CNTN1: variants seen among roughly 807,000 people sequenced by gnomAD.
The protein encoded by CNTN1 is contactin 1.
In CNTN1, 38 loss-of-function variants were observed where a neutral mutation model predicts 126.4. The ratio of observed to expected loss-of-function variants is 0.30; its 90% CI spans 0.23 to 0.39. The LOEUF (loss-of-function observed/expected upper bound fraction) is 0.39, where lower values mean the gene tolerates loss of function less well. Ranked by LOEUF, CNTN1 falls within the 10% of genes least tolerant of loss-of-function variation. The pLI is 1.00. For synonymous variants in CNTN1, 413 were observed against 422.6 expected (o/e 0.98, Z 0.28); for missense variants, 1,009 against 1,248.4 (o/e 0.81, Z 2.89).
intron 1 of CNTN1, among the ~76,000 whole-genome samples, chr12:40,805,611 C>A (rs1940822576): frequency 6.6e-6 from 1 of 152,062 alleles, no homozygotes; most frequent in South Asian, 2.1e-4. Flanking sequence ...ATTTTAATCG[C>A]TGATATTTTA....
intron 16 of CNTN1, among the ~76,000 whole-genome samples, chr12:40,988,202 T>C (rs1329384972): frequency 2.6e-5 from 4 of 152,180 alleles, no homozygotes; most frequent in African/African-American, 4.8e-5. Flanking sequence ...TTAGAACCAG[T>C]GAGAAGCCTT....
intron 21 of CNTN1, among the ~76,000 whole-genome samples, chr12:41,027,417 G>A (rs1949058148): frequency 6.6e-6 from 1 of 152,142 alleles, no homozygotes; most frequent in Non-Finnish European, 1.5e-5. Flanking sequence ...AGCCCATGAG[G>A]TAGAAGGAAA....
At chr12:40,818,475 T>C (rs1420695793) in intron 1 of CNTN1, among the ~76,000 whole-genome samples, 1 of 152,224 alleles carries the variant, frequency 6.6e-6, no homozygotes. Flanking sequence ...TTTTTACTTG[T>C]GTATGCATCA....
chr12:41,022,747 A>G (rs1331451571), intron 20 of CNTN1, among the ~76,000 whole-genome samples: 3 of 152,218 alleles, frequency 2.0e-5, no homozygotes, highest in Admixed American at 6.5e-5. Flanking sequence ...TATTATCCCT[A>G]TTTTAGAGAT....
chr12:40,969,370 C>A (rs994592343), intron 15 of CNTN1, among the ~76,000 whole-genome samples: 1 of 152,100 alleles, frequency 6.6e-6, no homozygotes, highest in Non-Finnish European at 1.5e-5. Flanking sequence ...CCTACAATAG[C>A]TTCTCCAACT....
At chr12:40,827,186 T>C (rs1280490963) in intron 1 of CNTN1, among the ~76,000 whole-genome samples, 2 of 151,470 alleles carry the variant, frequency 1.3e-5, no homozygotes, top group African/African-American at 4.9e-5. Context: ...CTGTTTTTTT[T>C]TTTCAGGCAA....
chr12:40,990,064 T>G (rs1265062957), intron 16 of CNTN1, among the ~76,000 whole-genome samples: 1 of 152,130 alleles, frequency 6.6e-6, no homozygotes, highest in Non-Finnish European at 1.5e-5. Context: ...TTAAAAATGA[T>G]AGACGTTAAT....
At chr12:40,826,264 T>C (rs1279111555) in intron 1 of CNTN1, among the ~76,000 whole-genome samples, 1 of 152,184 alleles carries the variant, frequency 6.6e-6, no homozygotes, top group East Asian at 1.9e-4. Context: ...ATTCTATATA[T>C]GATTAAATTG....
chr12:40,694,114 T>C (rs917431084), intron 1 of CNTN1, among the ~76,000 whole-genome samples: 2 of 152,162 alleles, frequency 1.3e-5, no homozygotes, highest in Non-Finnish European at 2.9e-5. Flanking sequence ...GGTTTGGTTA[T>C]TTGGTAGTAA....
intron 1 of CNTN1, among the ~76,000 whole-genome samples, chr12:40,719,474 C>A (rs574885108): frequency 1.3e-5 from 2 of 152,102 alleles, no homozygotes; most frequent in Non-Finnish European, 2.9e-5. Context: ...GATGATCGAT[C>A]GGGCTTATAA....
chr12:40,885,476 T>C (rs542987960), intron 1 of CNTN1, among the ~76,000 whole-genome samples: 4 of 152,102 alleles, frequency 2.6e-5, no homozygotes, highest in Admixed American at 6.5e-5. Flanking sequence ...ACTCTAGAGC[T>C]AAACTGCTTG....
intron 1 of CNTN1, among the ~76,000 whole-genome samples, chr12:40,707,046 G>GCGCGCACACA (rs1381751022): frequency 1.3e-5 from 2 of 149,316 alleles, no homozygotes. Context: ...GCGCGCTTGC[G>GCGCGCACACA]CACACACACA....
intron 1 of CNTN1, among the ~76,000 whole-genome samples, chr12:40,770,004 G>C (rs1430287438): frequency 6.6e-6 from 1 of 152,114 alleles, no homozygotes; most frequent in African/African-American, 2.4e-5. Flanking sequence ...AGAGAGTTCT[G>C]TTAGGTTGTT....
intron 1 of CNTN1, among the ~76,000 whole-genome samples, chr12:40,832,077 G>A (rs955335153): frequency 6.6e-6 from 1 of 152,138 alleles, no homozygotes. Flanking sequence ...AGGTGGGGCA[G>A]GTTATTAGGA....
In CNTN1 at chr12:41,072,398, A is replaced by G. The variant is rs1194202875; in HGVS notation, c.*2363A>G. 1 of 152,156 alleles carries G rather than the reference A, an allele frequency of 6.6e-6. No individual in the cohort carries two copies. Among genetic ancestry groups the G allele is most frequent in the Non-Finnish European group, 1.5e-5 (1 of 68,014 alleles). 9.4% of individuals were successfully genotyped at this position (152,156 alleles called of 1,614,324 possible). A position where few individuals can be genotyped will look rare whatever the true frequency, so the allele number is the denominator to read the frequency against. On this transcript the variant is annotated 3_prime_UTR_variant, in exon 24 of 24. Coordinates refer to ENST00000551295, the MANE Select transcript of CNTN1 (RefSeq NM_001843.4). ...ATTAGTATAAAGTAATAAATGTCTT[A>G]TGTTACCCAAGAAAGAACAACTGTC...
chr12:41,065,891 A>T (rs1158399385), intron 23 of CNTN1, among the ~76,000 whole-genome samples: 2 of 152,126 alleles, frequency 1.3e-5, no homozygotes, highest in Non-Finnish European at 2.9e-5. Context: ...GCCTCAGCTG[A>T]TTTTCACTCT....
At position 40,692,507 on chromosome 12, in the gene CNTN1, G is replaced by T. The variant is rs1941325396; in HGVS notation, c.-162G>T. The T allele has an allele frequency of 6.6e-6, 1 of 152,536 alleles. No homozygotes were observed. The highest frequency in any genetic ancestry group is 2.4e-5 in the African/African-American group (1 of 41,458). The allele number at this position is 152,536 out of a possible 1,614,324, so 9.4% of individuals were successfully genotyped here. A position where few individuals can be genotyped will look rare whatever the true frequency, so the allele number is the denominator to read the frequency against. ...AGGAGGGGCGCCGGTGGGGAGATGC[G>T]CTCCCAGGTGTTTGCAGCGGAAGTG... On this transcript the variant is annotated 5_prime_UTR_variant, in exon 1 of 24. Coordinates refer to ENST00000551295, the MANE Select transcript of CNTN1 (RefSeq NM_001843.4).
At chr12:40,777,081 A>G (rs969591859) in intron 1 of CNTN1, among the ~76,000 whole-genome samples, 3 of 151,686 alleles carry the variant, frequency 2.0e-5, no homozygotes, top group Non-Finnish European at 3.0e-5. Flanking sequence ...CTTTGGGTAC[A>G]TATATTCAAC....
chr12:40,938,817 C>T (rs1264228694), intron 11 of CNTN1, among the ~76,000 whole-genome samples: 1 of 152,094 alleles, frequency 6.6e-6, no homozygotes, highest in African/African-American at 2.4e-5. Context: ...CGGTGTTGCC[C>T]AGCCTGGAGT....
Sources: allele counts gnomAD v4.1 joint callset (sites outside exome capture counted in the v4.1 genomes callset), GRCh38; gene constraint gnomAD v4.1.1; transcripts MANE v1.5; gene names NCBI Gene and HGNC (gene_info 2026-07-23, HGNC 2026-07-21).